Variants in SUPT3H observed in about 807,000 individuals in gnomAD.
SUPT3H encodes the protein SPT3 homolog, SAGA and STAGA complex component.
In SUPT3H, 44 loss-of-function variants were observed where a neutral mutation model predicts 44.3. That is an observed-to-expected ratio of 0.99 (90% confidence interval 0.78 to 1.28). The LOEUF (loss-of-function observed/expected upper bound fraction) is 1.28. SUPT3H is among the 50% of genes most tolerant of loss of function. The probability of loss-of-function intolerance (pLI) is 0.00; values close to 1 mark genes in which losing one functional copy is unlikely to be tolerated. For synonymous variants in SUPT3H, 124 were observed against 125.6 expected (o/e 0.99, Z 0.09); for missense variants, 380 against 387.1 (o/e 0.98, Z 0.15).
chr6:45,309,502 G>A (rs1305363225), intron 2 of SUPT3H, among the ~76,000 whole-genome samples: 3 of 151,714 alleles, frequency 2.0e-5, no homozygotes, highest in South Asian at 2.1e-4. Context: ...TAAAATATAT[G>A]AGACAGCATC....
chr6:45,062,571 TGCCAGACAGTGGGCGCAG>T (rs1792303680), intron 3 of SUPT3H, among the ~76,000 whole-genome samples: 1 of 151,988 alleles, frequency 6.6e-6, no homozygotes, highest in Non-Finnish European at 1.5e-5. Context: ...CACTAGGGAG[TGCCAGACAGTGGGCGCAG>T]GCCAGTGGGT....
intron 3 of SUPT3H, among the ~76,000 whole-genome samples, chr6:45,058,774 T>G (rs1791523153): frequency 6.6e-6 from 1 of 152,124 alleles, no homozygotes; most frequent in South Asian, 2.1e-4. Context: ...ACGCATTATT[T>G]ACTAGTCTAT....
intron 2 of SUPT3H, among the ~76,000 whole-genome samples, chr6:45,329,273 AC>A (rs1347841327): frequency 6.6e-6 from 1 of 152,018 alleles, no homozygotes; most frequent in African/African-American, 2.4e-5. Context: ...AACCTGTAGT[AC>A]AGTTAACATT....
At chr6:45,158,591 TAAGG>T (rs1409021921) in intron 2 of SUPT3H, among the ~76,000 whole-genome samples, 2 of 129,650 alleles carry the variant, frequency 1.5e-5, no homozygotes, top group African/African-American at 6.5e-5. Flanking sequence ...GGAATCCTGC[TAAGG>T]AAGGGATGAC....
intron 2 of SUPT3H, among the ~76,000 whole-genome samples, chr6:45,149,889 T>G (rs903939629): frequency 6.6e-6 from 1 of 152,186 alleles, no homozygotes; most frequent in South Asian, 2.1e-4. Flanking sequence ...CTTGGCCTTT[T>G]GGCTAAGATC....
chr6:45,206,170 AAGAAC>A (rs1763197237), intron 2 of SUPT3H, among the ~76,000 whole-genome samples: 1 of 152,220 alleles, frequency 6.6e-6, no homozygotes, highest in South Asian at 2.1e-4. Flanking sequence ...TACATTTATG[AAGAAC>A]ATGTGTTAGT....
chr6:44,842,162 G>GAT (rs887818615), intron 10 of SUPT3H, among the ~76,000 whole-genome samples: 2 of 152,162 alleles, frequency 1.3e-5, no homozygotes, highest in African/African-American at 4.8e-5. Context: ...GGAAGGCTTT[G>GAT]ATAGGATGCT....
chr6:44,935,524 A>G (rs1256821657), intron 9 of SUPT3H, among the ~76,000 whole-genome samples: 1 of 152,182 alleles, frequency 6.6e-6, no homozygotes, highest in East Asian at 1.9e-4. Context: ...TTTATAGAGT[A>G]TTTGCAGAAA....
chr6:44,949,020 A>C (rs2153471842), intron 9 of SUPT3H, among the ~76,000 whole-genome samples: 1 of 152,374 alleles, frequency 6.6e-6, no homozygotes, highest in South Asian at 2.1e-4. Context: ...GACTGGATTA[A>C]GAAAATGTGG....
intron 2 of SUPT3H, among the ~76,000 whole-genome samples, chr6:45,169,445 C>T (rs976448857): frequency 6.6e-6 from 1 of 152,092 alleles, no homozygotes; most frequent in African/African-American, 2.4e-5. Flanking sequence ...CAACTGTATG[C>T]AGCACTAGAT....
intron 1 of SUPT3H, among the ~76,000 whole-genome samples, chr6:45,369,633 T>A (rs2150301601): frequency 6.6e-6 from 1 of 152,296 alleles, no homozygotes; most frequent in Admixed American, 6.5e-5. Flanking sequence ...CACACTCTTA[T>A]TTAAAGCCAA....
intron 3 of SUPT3H, among the ~76,000 whole-genome samples, chr6:45,082,339 A>C (rs935893144): frequency 1.3e-5 from 2 of 152,150 alleles, no homozygotes; most frequent in Non-Finnish European, 2.9e-5. Context: ...CACAACAACA[A>C]CAACAAAAAG....
intron 10 of SUPT3H, among the ~76,000 whole-genome samples, chr6:44,852,704 C>G (rs761066944): frequency 5.9e-5 from 9 of 152,144 alleles, no homozygotes; most frequent in Admixed American, 2.0e-4. Context: ...GGTAAATTCT[C>G]TATATTTTTA....
chr6:44,973,031 T>C (rs537479047), intron 6 of SUPT3H, among the ~76,000 whole-genome samples: 2 of 152,364 alleles, frequency 1.3e-5, no homozygotes. Context: ...TGCAAATTTC[T>C]GCAGCAGGCT....
chr6:45,199,311 G>GAACTT (rs1348040031), intron 2 of SUPT3H, among the ~76,000 whole-genome samples: 1 of 150,946 alleles, frequency 6.6e-6, no homozygotes, highest in Non-Finnish European at 1.5e-5. Flanking sequence ...ATACCCTTCA[G>GAACTT]AACTTAAAAT....
At chr6:44,980,631 T>C (rs143389441) in intron 6 of SUPT3H, among the ~76,000 whole-genome samples, 296 of 152,342 alleles carry the variant, frequency 1.9e-3, no homozygotes, top group Non-Finnish European at 3.5e-3. Context: ...GAGTGGCAAG[T>C]AGTTGTGTCT....
chr6:44,986,982 T>C (rs1779883253), intron 6 of SUPT3H, among the ~76,000 whole-genome samples: 1 of 152,088 alleles, frequency 6.6e-6, no homozygotes, highest in South Asian at 2.1e-4. Context: ...CAAAATACCA[T>C]AGAATAGGTG....
At chr6:45,257,973 T>C (rs192505402) in intron 2 of SUPT3H, among the ~76,000 whole-genome samples, 2 of 152,238 alleles carry the variant, frequency 1.3e-5, no homozygotes, top group African/African-American at 2.4e-5. Context: ...TTAATAGTGA[T>C]ATTTCCATTT....
At chr6:44,904,782 A>G (rs1765704536) in intron 10 of SUPT3H, among the ~76,000 whole-genome samples, 1 of 152,240 alleles carries the variant, frequency 6.6e-6, no homozygotes, top group Admixed American at 6.5e-5. Context: ...CTACAAGGCT[A>G]CAGTAACCAA....
Sources: gnomAD v4.1 joint callset for allele counts (sites outside exome capture counted in the v4.1 genomes callset) on GRCh38, gnomAD v4.1.1 for gene constraint, MANE v1.5 for transcripts, NCBI Gene and HGNC (gene_info 2026-07-23, HGNC 2026-07-21) for gene names.